MTCL1: variants seen among roughly 807,000 people sequenced by gnomAD.
The protein encoded by MTCL1 is microtubule crosslinking factor 1.
Under a neutral mutation model 141.4 loss-of-function variants are expected in MTCL1, and 79 were observed. That is an observed-to-expected ratio of 0.56 (90% CI 0.47 to 0.67). MTCL1 has a LOEUF of 0.67. Ranked by LOEUF, MTCL1 falls within the 30% of genes least tolerant of loss-of-function variation. The probability of loss-of-function intolerance (pLI) is 0.00; values close to 1 mark genes in which losing one functional copy is unlikely to be tolerated. For synonymous variants in MTCL1, 914 were observed against 875.8 expected, an observed-to-expected ratio of 1.04 and a Z score of -0.77; for missense variants, 2,177 against 2,113.9, an observed-to-expected ratio of 1.03 and a Z score of -0.59.
chr18:8,831,090 T>C, intron 16 of MTCL1: 1 of 986,106 alleles, frequency 1.0e-6, no homozygotes, highest in Non-Finnish European at 1.2e-6. Flanking sequence ...CAATTTCAAA[T>C]AAACAGTAGC....
At chr18:8,723,374 C>T (rs1232357282) in intron 4 of MTCL1, among the ~76,000 whole-genome samples, 1 of 152,164 alleles carries the variant, frequency 6.6e-6, no homozygotes, top group Admixed American at 6.5e-5. Context: ...AATATTTTTT[C>T]TATTGTGCGC....
chr18:8,715,769 A>G (rs1449503679), upstream of MTCL1, among the ~76,000 whole-genome samples: 3 of 152,228 alleles, frequency 2.0e-5, no homozygotes, highest in Non-Finnish European at 4.4e-5. Flanking sequence ...TTCAGTCTCC[A>G]GTTGACCTCC....
At chr18:8,774,864 A>T (rs2096499450) in intron 4 of MTCL1, among the ~76,000 whole-genome samples, 1 of 151,760 alleles carries the variant, frequency 6.6e-6, no homozygotes, top group Admixed American at 6.6e-5. Context: ...CTGTGAATGG[A>T]GGAGGAGTGT....
rs1036057297 is a variant in MTCL1, at chr18:8,821,364, G to A, written c.3157-103G>A. 40 of 722,900 alleles carry A rather than the reference G, an allele frequency of 5.5e-5. No individual in the cohort carries two copies. The African/African-American group carries it at 6.3e-4, about 11-fold the overall frequency. 44.8% of individuals were successfully genotyped at this position (722,900 alleles called of 1,614,324 possible). ...TTGGCCTCAGTGCACATTTTAAATGGTGGTTTCCTGGGGGTGCAGAGCAAA... is the reference window on the plus strand; with the variant it reads ...TTGGCCTCAGTGCACATTTTAAATGATGGTTTCCTGGGGGTGCAGAGCAAA... On this transcript the variant is annotated intron_variant, in intron 13 of 16. Transcript: ENST00000359865.
intron 7 of MTCL1, among the ~76,000 whole-genome samples, chr18:8,788,392 G>A (rs918519552): frequency 3.3e-5 from 5 of 152,164 alleles, no homozygotes; most frequent in African/African-American, 1.2e-4. Context: ...TAGTATCAGC[G>A]ACATCAAAGA....
chr18:8,823,515 T>C (rs1017363563), intron 14 of MTCL1, among the ~76,000 whole-genome samples: 2 of 152,234 alleles, frequency 1.3e-5, no homozygotes, highest in Admixed American at 6.5e-5. Flanking sequence ...GGGAAATTCA[T>C]ACTTGCTGGA....
exon 7 of MTCL1, chr18:8,785,950 G>A (rs753982816): frequency 5.6e-6 from 9 of 1,603,190 alleles, no homozygotes; most frequent in East Asian, 2.2e-5. Flanking sequence ...GACTGAAAGA[G>A]CAGCTGGAGT....
At chr18:8,806,943 C>T in exon 11 of MTCL1, 2 of 1,613,800 alleles carry the variant, frequency 1.2e-6, no homozygotes, top group Non-Finnish European at 1.7e-6. Flanking sequence ...TGCTGGAGGA[C>T]TTCCGTGCGG....
chr18:8,785,721 T>C (rs945781141), intron 6 of MTCL1: 10 of 589,218 alleles, frequency 1.7e-5, no homozygotes, highest in African/African-American at 1.7e-4. Flanking sequence ...CTCATCCTCA[T>C]CTTGGGTCTG....
At chr18:8,774,227 A>G (rs2096496002) in intron 4 of MTCL1, among the ~76,000 whole-genome samples, 1 of 151,576 alleles carries the variant, frequency 6.6e-6, no homozygotes, top group African/African-American at 2.4e-5. Flanking sequence ...TACCACACTC[A>G]CAAACACATA....
chr18:8,709,964 G>A (rs191087487), intron 1 of MTCL1, among the ~76,000 whole-genome samples: 1,833 of 152,028 alleles, frequency 0.012, 32 homozygotes, highest in African/African-American at 0.036. Flanking sequence ...CTCAGCCTCC[G>A]GAGTAGCTGG....
At chr18:8,778,009 C>A in intron 5 of MTCL1, 117 bp downstream of exon 4, 2 of 895,016 alleles carry the variant, frequency 2.2e-6, no homozygotes, top group Non-Finnish European at 3.5e-6. Context: ...ACATTACCTG[C>A]CCAAACACGT....
intron 4 of MTCL1, among the ~76,000 whole-genome samples, chr18:8,766,543 G>C (rs1385632119): frequency 1.3e-5 from 2 of 152,236 alleles, no homozygotes; most frequent in Non-Finnish European, 2.9e-5. Flanking sequence ...TGTCTGCAAT[G>C]TTGTGTCTCA....
intron 4 of MTCL1, among the ~76,000 whole-genome samples, chr18:8,733,744 G>A (rs2096262923): frequency 6.6e-6 from 1 of 152,172 alleles, no homozygotes; most frequent in Non-Finnish European, 1.5e-5. Context: ...TCAAGCATTG[G>A]CACTGAGGAG....
intron 1 of MTCL1, among the ~76,000 whole-genome samples, chr18:8,710,901 T>TA (rs58308177): frequency 7.5e-6 from 1 of 134,126 alleles, no homozygotes; most frequent in South Asian, 2.4e-4. Context: ...TTTTTTTTTT[T>TA]ATTATACTTT....
rs1361292459 is a variant in MTCL1, at chr18:8,825,136, G to T, written c.3626G>T (p.Gly1209Val). The change falls in exon 15 of 17, where the codon GGT becomes GTT. Residue 1209 changes from glycine to valine, a missense_variant. Gly to Val is a moderately radical substitution (Grantham distance 109). Coordinates refer to ENST00000359865, the Ensembl canonical transcript of MTCL1. ...AGGGTCGACAGCATCACGGCGGCAG[G>T]TGGTGAGGGTCCCTTTCCCACAAGC... 1.2e-5 allele frequency: 19 copies of T among 1,588,100 alleles called. No individual in the cohort carries two copies. The highest frequency in any genetic ancestry group is 1.5e-5 in the Non-Finnish European group (18 of 1,165,970).
Position 8,718,719 on chromosome 18 carries a change from G to C in MTCL1, c.198+71G>C, listed in dbSNP as rs1405797194. ...CGGCTGGCCACATGCACGTTGCCCT[G>C]GTGTTTTTTCCCTGCTTGTGTCTGT... On this transcript the variant is annotated intron_variant, in intron 3 of 16. Transcript: ENST00000359865. 2.1e-6 allele frequency: 3 copies of C among 1,428,532 alleles called. No individual in the cohort carries two copies. In the African/African-American group the frequency reaches 4.2e-5, roughly 20 times the overall value. 88.5% of individuals were successfully genotyped at this position (1,428,532 alleles called of 1,614,324 possible). A position where few individuals can be genotyped will look rare whatever the true frequency, so the allele number is the denominator to read the frequency against.
At chr18:8,827,210 G>C (rs547802373) in intron 15 of MTCL1, among the ~76,000 whole-genome samples, 172 of 152,362 alleles carry the variant, frequency 1.1e-3, no homozygotes, top group Middle Eastern at 6.8e-3. Flanking sequence ...CTCCTGGTCT[G>C]CCCGCTGCTT....
At position 8,775,308 on chromosome 18, in the gene MTCL1, A is replaced by G. The variant is rs956914039; in HGVS notation, c.358-2525A>G. 2.0e-5 allele frequency among the ~76,000 whole-genome samples: 3 copies of G among 151,742 alleles called. No individual in the cohort carries two copies. The East Asian group carries it at 5.8e-4, about 29-fold the overall frequency. On this transcript the variant is annotated intron_variant, in intron 4 of 16. Coordinates refer to ENST00000359865, the Ensembl canonical transcript of MTCL1. ...ACTTCTGGCCGGGCACGGTGGCTCAATCCTGTAATCCCAGCACTTTAGGAG... is the reference window on the plus strand; with the variant it reads ...ACTTCTGGCCGGGCACGGTGGCTCAGTCCTGTAATCCCAGCACTTTAGGAG...
Sources: allele counts gnomAD v4.1 joint callset (sites outside exome capture counted in the v4.1 genomes callset), GRCh38; gene constraint gnomAD v4.1.1; transcripts MANE v1.5; gene names NCBI Gene and HGNC (gene_info 2026-07-23, HGNC 2026-07-21).